ZNF16: variants seen among roughly 807,000 people sequenced by gnomAD.
ZNF16 encodes zinc finger protein KOX9.
In ZNF16, 7 loss-of-function variants were observed where a neutral mutation model predicts 9.0. The ratio of observed to expected loss-of-function variants is 0.78; its 90% confidence interval spans 0.44 to 1.47. ZNF16 has a LOEUF of 1.47. Ranked by LOEUF, ZNF16 falls within the 40% of genes most tolerant of loss-of-function variation. The probability of loss-of-function intolerance (pLI) is 0.01; values close to 1 mark genes in which losing one functional copy is unlikely to be tolerated. For missense variants in ZNF16, 830 were observed against 854.2 expected (o/e 0.97, Z 0.35); for synonymous variants, 312 against 301.5 (o/e 1.03, Z -0.36).
At position 144,932,191 on chromosome 8, in the gene ZNF16, T is replaced by C. The variant is rs776482431; in HGVS notation, c.596A>G (p.His199Arg). The C allele has an allele frequency of 9.9e-6, 16 of 1,614,100 alleles. No individual in the cohort carries two copies. The highest frequency in any genetic ancestry group is 1.4e-5 in the Non-Finnish European group (16 of 1,180,042). The change falls in exon 3 of 3, where the codon CAT (histidine) becomes CGT (arginine). Residue 199 changes from histidine to arginine, a missense_variant. Coordinates refer to ENST00000394909, the MANE Select transcript of ZNF16 (RefSeq NM_006958.3). This position sits in a 1 kb window ranked among gnomAD's most constrained non-coding sequence, Gnocchi z 5.0. ...ACTTTCAGCTGTGGGAACCCCCTCATGACCAGTTAGGTCCACACTGTGCTG... is the reference window on the plus strand; with the variant it reads ...ACTTTCAGCTGTGGGAACCCCCTCACGACCAGTTAGGTCCACACTGTGCTG... ...SFQHSVDLTG[H>R]EGVPTAESPL... is the part of the protein sequence containing the mutation.
Position 144,931,461 on chromosome 8 carries a change from A to G in ZNF16, c.1326T>C (p.Phe442=). 1 of 1,612,848 alleles carries G rather than the reference A, an allele frequency of 6.2e-7. No individual in the cohort carries two copies. Among genetic ancestry groups the G allele is most frequent in the Non-Finnish European group, 8.5e-7 (1 of 1,179,648 alleles). Residue 442 remains phenylalanine (F), a synonymous_variant, in exon 3 of 3, where the codon TTT becomes TTC. Transcript: ENST00000394909. ...GCTGAATAAGGCTGGAGCTCTGACT[A>G]AATGCTTTCCCACAGTCACTGCACT... ...PYKCSDCGKA[F]SQSSSLIQHR...
Position 144,930,851 on chromosome 8 carries a change from G to C in ZNF16, c.1936C>G (p.Gln646Glu). Residue 646 changes from glutamine to glutamate, a missense_variant, in exon 3 of 3, where the codon CAG becomes GAG. Coordinates refer to ENST00000394909, the MANE Select transcript of ZNF16 (RefSeq NM_006958.3). The stretch of plus-strand genomic sequence containing the variant: ...ACCCCAGTGTGAATCCTCTGGTGCT[G>C]GATGAGGACCGAACGCTGACTGAAG... Reference protein sequence around the residue: ...KAFSQRSVLIQHQRIHTGVKP... With the variant: ...KAFSQRSVLIEHQRIHTGVKP... The C allele has an allele frequency of 1.9e-6, 3 of 1,601,460 alleles. No individual in the cohort carries two copies. Among genetic ancestry groups the C allele is most frequent in the South Asian group, 2.3e-5 (2 of 88,560 alleles).
At chr8:144,946,316 AG>A in intron 1 of ZNF16, 101 bp from the exon 2 acceptor site, 1 of 1,152,216 alleles carries the variant, frequency 8.7e-7, no homozygotes, top group Non-Finnish European at 1.1e-6. Context: ...CTGCAGCCCA[AG>A]ACCTGAAGAG....
chr8:144,946,680 GTGGGCCATACCC>G (rs1833949955), intron 1 of ZNF16, among the ~76,000 whole-genome samples: 1 of 115,988 alleles, frequency 8.6e-6, no homozygotes, highest in African/African-American at 3.5e-5. Flanking sequence ...GTACCCTACT[GTGGGCCATACCC>G]TGCTGTGGGC....
chr8:144,931,331 C>T lies in ZNF16; in HGVS notation c.1456G>A (p.Glu486Lys). Residue 486 changes from glutamate (E) to lysine (K), a missense_variant, in exon 3 of 3, where the codon GAG (glutamate) becomes AAG (lysine). Glu to Lys is a moderately conservative substitution (Grantham distance 56). Transcript: ENST00000394909. ...LRKHQIIHTG[E>K]KPYRCSVCGK... ...CAGACACTGCATCTGTACGGCTTCT[C>T]TCCCGTGTGGATGATCTGGTGCTTT... The T allele has an allele frequency of 3.7e-6, 6 of 1,614,218 alleles. No individual in the cohort carries two copies. The highest frequency in any genetic ancestry group is 2.2e-5 in the South Asian group (2 of 91,088).
intron 1 of ZNF16, among the ~76,000 whole-genome samples, chr8:144,947,363 GTATCC>G (rs1470416360): frequency 0.017 from 2,583 of 148,564 alleles, 31 homozygotes; most frequent in Non-Finnish European, 0.03. Flanking sequence ...TGTGGGGCCT[GTATCC>G]TGCTGTGGGC....
At position 144,931,917 on chromosome 8, in the gene ZNF16, C is replaced by T. The variant is rs1833556605; in HGVS notation, c.870G>A (p.Glu290=). 2 of 1,613,582 alleles carry T rather than the reference C, an allele frequency of 1.2e-6. No individual in the cohort carries two copies. The highest frequency in any genetic ancestry group is 2.7e-5 in the African/African-American group (2 of 75,062). The change falls in exon 3 of 3, where the codon GAG becomes GAA. Residue 290 remains glutamate (E), a synonymous_variant. Transcript: ENST00000394909. ...CACATTCATTACACATATAAGGCCT[C>T]TCACTGCTGTGGTGACTCTGATGCC... ...FSRHQSHHSS[E]RPYMCNECGK...
chr8:144,946,605 GTTGGGCTTGTGTCCTGCTGT>G lies in ZNF16; in HGVS notation c.-9-410_-9-391del, dbSNP rs1833944269. ...TCCTGCTGTGGGTCTGTATCCTGCT[GTTGGGCTTGTGTCCTGCTGT>G]TGGGCCTGTGTCCTGCTGTTGGGCC... On this transcript the variant is annotated intron_variant, in intron 1 of 2. Transcript: ENST00000394909. 2.3e-4 allele frequency among the ~76,000 whole-genome samples: 23 copies of G among 98,778 alleles called. 1 individual carries two copies. Among genetic ancestry groups the G allele is most frequent in the East Asian group, 3.6e-4 (1 of 2,764 alleles). 64.8% of individuals were successfully genotyped at this position (98,778 alleles called of 152,430 possible).
intron 2 of ZNF16, among the ~76,000 whole-genome samples, chr8:144,936,540 CCT>C (rs1833686098): frequency 6.6e-6 from 1 of 152,072 alleles, no homozygotes; most frequent in Non-Finnish European, 1.5e-5. Context: ...TTCTCCACAT[CCT>C]CTTTTATCTT....
At chr8:144,945,706 G>A (rs944655741) in intron 2 of ZNF16, 4 of 290,996 alleles carry the variant, frequency 1.4e-5, no homozygotes, top group East Asian at 6.5e-5. Context: ...AGGGGAGAGG[G>A]CTGCCACCAG....
chr8:144,936,715 C>CTTTA (rs1563921090), intron 2 of ZNF16, among the ~76,000 whole-genome samples: 2 of 138,064 alleles, frequency 1.4e-5, no homozygotes. Flanking sequence ...GTTCTTTGCC[C>CTTTA]CTTATTTATT....
rs1348654203 is a variant in ZNF16 at position 144,931,258 on chromosome 8, A to C, written c.1529T>G (p.Val510Gly). Residue 510 changes from valine (V) to glycine (G), a missense_variant, in exon 3 of 3, where the codon GTG becomes GGG. Coordinates refer to ENST00000394909, the MANE Select transcript of ZNF16 (RefSeq NM_006958.3). ...GGCGTAGGGCTTGTCGCCTGTGTGCACGCCCTGGTGCTGAATGAGGGCTGA... is the reference window on the plus strand; with the variant it reads ...GGCGTAGGGCTTGTCGCCTGTGTGCCCGCCCTGGTGCTGAATGAGGGCTGA... ...HSSALIQHQG[V>G]HTGDKPYACH... is the part of the protein sequence containing the mutation. 5.0e-6 allele frequency: 8 copies of C among 1,613,872 alleles called. No individual in the cohort carries two copies. The highest frequency in any genetic ancestry group is 1.3e-5 in the African/African-American group (1 of 74,836).
At chr8:144,941,447 T>C (rs1833794684) in intron 2 of ZNF16, among the ~76,000 whole-genome samples, 1 of 152,224 alleles carries the variant, frequency 6.6e-6, no homozygotes, top group African/African-American at 2.4e-5. Context: ...AAGCCTCTTG[T>C]GGCATATAGT....
chr8:144,932,424 G>A lies in ZNF16; in HGVS notation c.363C>T (p.Pro121=), dbSNP rs150028594. The A allele has an allele frequency of 4.7e-4, 755 of 1,614,180 alleles. 2 individuals are homozygous for A. In the Middle Eastern group the frequency reaches 0.017, roughly 36 times the overall value. ...GGGACTGTGGCAGCCTCCTGCCTTC[G>A]GGGACTCCCCAGTCTCTTTCTGATA... is the stretch of plus-strand genomic sequence containing the variant. The part of the protein sequence containing the change: ...DDVSERDWGV[P]EGRRLPQSLS... The change falls in exon 3 of 3, where the codon CCC becomes CCT. Residue 121 remains proline, a synonymous_variant. Coordinates refer to ENST00000394909, the MANE Select transcript of ZNF16 (RefSeq NM_006958.3). This position sits in a 1 kb window ranked among gnomAD's most constrained non-coding sequence, Gnocchi z 5.0.
intron 2 of ZNF16, chr8:144,944,355 C>T (rs572101683): frequency 6.6e-6 from 1 of 152,208 alleles, no homozygotes; most frequent in Admixed American, 6.6e-5. Context: ...CAGGCATGAG[C>T]CACCGTGGTG....
chr8:144,946,999 T>C (rs1173826377), intron 1 of ZNF16, among the ~76,000 whole-genome samples: 2 of 106,870 alleles, frequency 1.9e-5, no homozygotes, highest in Admixed American at 1.9e-4. Flanking sequence ...TGGGGCTGTG[T>C]CCTGCTGTGG....
At chr8:144,940,718 T>C (rs1833779369) in intron 2 of ZNF16, among the ~76,000 whole-genome samples, 2 of 152,232 alleles carry the variant, frequency 1.3e-5, no homozygotes, top group Non-Finnish European at 2.9e-5. Context: ...TGGGCTACTG[T>C]AACAAGATAC....
rs1833616652 is a variant in ZNF16, at chr8:144,933,938, A to G, written c.197-1348T>C. On this transcript the variant is annotated intron_variant, in intron 2 of 2. Coordinates refer to ENST00000394909, the MANE Select transcript of ZNF16 (RefSeq NM_006958.3). This position sits in a 1 kb window ranked among gnomAD's most constrained non-coding sequence, Gnocchi z 5.6. Reference sequence around the variant, plus strand: ...CCTGAAACAGGACTGCATCCCCCAAAGTGGAAGACCTCTGGTCTAGCTGTA... The same window carrying G: ...CCTGAAACAGGACTGCATCCCCCAAGGTGGAAGACCTCTGGTCTAGCTGTA... Among the ~76,000 whole-genome samples, 1 of 152,140 alleles carries G rather than the reference A, an allele frequency of 6.6e-6. No individual in the cohort carries two copies. The highest frequency in any genetic ancestry group is 1.5e-5 in the Non-Finnish European group (1 of 68,018).
intron 2 of ZNF16, among the ~76,000 whole-genome samples, chr8:144,940,394 T>C (rs547440420): frequency 6.6e-6 from 1 of 152,342 alleles, no homozygotes; most frequent in Admixed American, 6.5e-5. Context: ...TTGCTATAAA[T>C]TTCCCTTTTG....
Sources: gnomAD v4.1 joint callset for allele counts (sites outside exome capture counted in the v4.1 genomes callset) on GRCh38, gnomAD v4.1.1 for gene constraint, Gnocchi (gnomAD v3.1) non-coding constraint, MANE v1.5 for transcripts, NCBI Gene and HGNC (gene_info 2026-07-23, HGNC 2026-07-21) for gene names.